The following AGK variants were observed in gnomAD, a reference collection of about 807,000 sequenced individuals.
The protein encoded by AGK is acylglycerol kinase, also known as acylglycerol kinase, mitochondrial.
A neutral mutation model predicts 66.4 loss-of-function variants in AGK; 52 were observed. The ratio of observed to expected loss-of-function variants is 0.78; its 90% confidence interval spans 0.63 to 0.99. AGK has a LOEUF of 0.99. Among genes scored for constraint, AGK ranks in the 50% least tolerant of loss-of-function variants. The probability of loss-of-function intolerance (pLI) is 0.00; values close to 1 mark genes in which losing one functional copy is unlikely to be tolerated. For missense variants in AGK, 451 were observed against 506.6 expected, an observed-to-expected ratio of 0.89 and a Z score of 1.05; for synonymous variants, 182 against 181.1, an observed-to-expected ratio of 1.00 and a Z score of -0.04.
At chr7:141,556,288 T>C (rs892081136) in intron 2 of AGK, among the ~76,000 whole-genome samples, 6 of 152,090 alleles carry the variant, frequency 3.9e-5, no homozygotes, top group Admixed American at 6.5e-5. Context: ...GGCTCATGCC[T>C]GTAACTCCAG....
In AGK at chr7:141,641,838, T is replaced by C; in HGVS notation, c.905T>C (p.Val302Ala). Reference protein sequence around the residue: ...DALSQEVSPEVWKDVQLSTIE... With the variant: ...DALSQEVSPEAWKDVQLSTIE... The stretch of plus-strand genomic sequence containing the variant: ...CTTTCCCAAGAGGTGAGCCCGGAGG[T>C]CTGGAAAGATGTGCAGCTGTCCACC... The change falls in exon 13 of 16, where the codon GTC becomes GCC. Residue 302 changes from valine (V) to alanine (A), a missense_variant. Coordinates refer to ENST00000649286, the MANE Select transcript of AGK (RefSeq NM_018238.4). 6.3e-7 allele frequency: 1 copy of C among 1,583,530 alleles called. No individual in the cohort carries two copies. The highest frequency in any genetic ancestry group is 8.6e-7 in the Non-Finnish European group (1 of 1,164,084).
chr7:141,566,364 A>G (rs1380200395), intron 2 of AGK, among the ~76,000 whole-genome samples: 2 of 152,210 alleles, frequency 1.3e-5, no homozygotes, highest in Non-Finnish European at 2.9e-5. Flanking sequence ...GGCCCAGTAC[A>G]TAGAAGATAC....
At chr7:141,579,217 T>C (rs1372349129) in intron 2 of AGK, among the ~76,000 whole-genome samples, 1 of 152,032 alleles carries the variant, frequency 6.6e-6, no homozygotes, top group Non-Finnish European at 1.5e-5. Context: ...AAAAGTATTG[T>C]CCAGTCCTTT....
At position 141,596,591 on chromosome 7, in the gene AGK, T is replaced by C. The variant is rs2116927276; in HGVS notation, c.171T>C (p.Asn57=). The change falls in exon 4 of 16, where the codon AAT becomes AAC. Residue 57 remains asparagine, a synonymous_variant. Coordinates refer to ENST00000649286, the MANE Select transcript of AGK (RefSeq NM_018238.4). The part of the protein sequence containing the change: ...QVFGNQLIPP[N]AQVKKATVFL... ...TTGGCAATCAACTCATTCCTCCCAATGCACAAGTGAAGAAGGCCACTGTTT... is the reference window on the plus strand; with the variant it reads ...TTGGCAATCAACTCATTCCTCCCAACGCACAAGTGAAGAAGGCCACTGTTT... 6.2e-7 allele frequency: 1 copy of C among 1,614,074 alleles called. No individual in the cohort carries two copies. Among genetic ancestry groups the C allele is most frequent in the Non-Finnish European group, 8.5e-7 (1 of 1,179,956 alleles).
chr7:141,651,892 A>G (rs1425433642), intron 15 of AGK, among the ~76,000 whole-genome samples: 3 of 152,176 alleles, frequency 2.0e-5, no homozygotes, highest in Admixed American at 1.3e-4. Context: ...TTATTTTTCC[A>G]TATGTAAATA....
At chr7:141,581,376 G>A (rs1795878674) in intron 2 of AGK, among the ~76,000 whole-genome samples, 1 of 151,914 alleles carries the variant, frequency 6.6e-6, no homozygotes, top group South Asian at 2.1e-4. Flanking sequence ...TATGGGTTTG[G>A]CACCACAGGG....
Position 141,620,024 on chromosome 7 carries a change from T to C in AGK, c.519-1708T>C, listed in dbSNP as rs113755941. ...GATAGTCTACTGATACATCCATTCATAAACAATAGTGTAGATGAATTTCAA... is the reference window on the plus strand; with the variant it reads ...GATAGTCTACTGATACATCCATTCACAAACAATAGTGTAGATGAATTTCAA... On this transcript the variant is annotated intron_variant, in intron 8 of 15. Transcript: ENST00000649286. 5.9e-5 allele frequency among the ~76,000 whole-genome samples: 9 copies of C among 152,260 alleles called. 2 individuals are homozygous for C. The highest frequency in any genetic ancestry group is 2.2e-4 in the African/African-American group (9 of 41,562).
In AGK at chr7:141,652,804, T is replaced by C; in HGVS notation, c.1149T>C (p.Phe383=). 6.2e-7 allele frequency: 1 copy of C among 1,613,478 alleles called. No homozygotes were observed. The highest frequency in any genetic ancestry group is 8.5e-7 in the Non-Finnish European group (1 of 1,179,952). ...LLIPEGAGGS[F]SIDSEEYEAM... is the part of the protein sequence containing the mutation. Reference sequence around the variant, plus strand: ...CTCCCCAGGGAGCAGGGGGCTCTTTTAGCATTGACAGTGAGGAGTATGAAG... The same window carrying C: ...CTCCCCAGGGAGCAGGGGGCTCTTTCAGCATTGACAGTGAGGAGTATGAAG... The change falls in exon 16 of 16, where the codon TTT becomes TTC. Residue 383 remains phenylalanine, a synonymous_variant. Transcript: ENST00000649286.
intron 2 of AGK, among the ~76,000 whole-genome samples, chr7:141,556,962 G>T (rs949702019): frequency 1.3e-5 from 2 of 152,118 alleles, no homozygotes; most frequent in African/African-American, 4.8e-5. Flanking sequence ...AAACAGAGAA[G>T]TTTTTTTGTA....
At chr7:141,631,199 C>T (rs1256395817) in intron 9 of AGK, among the ~76,000 whole-genome samples, 2 of 152,112 alleles carry the variant, frequency 1.3e-5, no homozygotes. Flanking sequence ...ATTGGCCACT[C>T]ACTGCTAGCA....
intron 9 of AGK, among the ~76,000 whole-genome samples, chr7:141,630,809 A>G (rs1046466668): frequency 6.6e-6 from 1 of 152,186 alleles, no homozygotes; most frequent in Non-Finnish European, 1.5e-5. Context: ...CAAGCAACAG[A>G]GGGGGTTGGG....
chr7:141,568,271 A>G (rs1236833971), intron 2 of AGK, among the ~76,000 whole-genome samples: 6 of 152,198 alleles, frequency 3.9e-5, no homozygotes, highest in African/African-American at 1.4e-4. Flanking sequence ...CCTGCCATAC[A>G]TGGTTAAAAG....
intron 1 of AGK, among the ~76,000 whole-genome samples, chr7:141,553,112 C>A (rs2116839193): frequency 6.6e-6 from 1 of 152,302 alleles, no homozygotes; most frequent in Admixed American, 6.5e-5. Flanking sequence ...TGGTTGAGTG[C>A]ATGGTGATAG....
At chr7:141,601,569 C>A (rs1232830003) in intron 5 of AGK, among the ~76,000 whole-genome samples, 1 of 152,126 alleles carries the variant, frequency 6.6e-6, no homozygotes, top group African/African-American at 2.4e-5. Flanking sequence ...TGTAAGAATT[C>A]TTTTCCTGAA....
chr7:141,636,238 G>A (rs1797165832), intron 10 of AGK, among the ~76,000 whole-genome samples: 2 of 152,292 alleles, frequency 1.3e-5, no homozygotes, highest in Admixed American at 6.5e-5. Context: ...GTGTGTGTGA[G>A]AGGACATGGT....
intron 9 of AGK, among the ~76,000 whole-genome samples, chr7:141,624,279 T>C (rs1796888706): frequency 6.6e-6 from 1 of 152,194 alleles, no homozygotes; most frequent in South Asian, 2.1e-4. Flanking sequence ...ATAGATGAAC[T>C]ACTGTCTTGG....
chr7:141,555,391 G>A lies in AGK; in HGVS notation c.-14-62G>A, dbSNP rs1795185775. On this transcript the variant is annotated intron_variant, in intron 1 of 15. Transcript: ENST00000649286. This position sits in a 1 kb window ranked among gnomAD's most constrained non-coding sequence, Gnocchi z 4.2. ...AAAGAATGGAAGACAGAGTAATAGGGACATTACATGAAGACCATGGATAAA... is the reference window on the plus strand; with the variant it reads ...AAAGAATGGAAGACAGAGTAATAGGAACATTACATGAAGACCATGGATAAA... The A allele has an allele frequency of 7.2e-6, 8 of 1,117,524 alleles. No individual in the cohort carries two copies. The highest frequency in any genetic ancestry group is 9.2e-6 in the Non-Finnish European group (7 of 759,676). 69.2% of individuals were successfully genotyped at this position (1,117,524 alleles called of 1,614,324 possible).
At chr7:141,578,124 C>T (rs1322113907) in intron 2 of AGK, among the ~76,000 whole-genome samples, 2 of 152,072 alleles carry the variant, frequency 1.3e-5, no homozygotes, top group East Asian at 3.9e-4. Context: ...TTTGTGTGAG[C>T]AATAAAGCTT....
intron 5 of AGK, among the ~76,000 whole-genome samples, chr7:141,604,833 C>T (rs919976061): frequency 3.1e-4 from 47 of 152,028 alleles, no homozygotes; most frequent in Admixed American, 2.6e-3. Flanking sequence ...CTGCCTGCCT[C>T]GGCCTCCAAT....
Sources: gnomAD v4.1 joint callset for allele counts (sites outside exome capture counted in the v4.1 genomes callset) on GRCh38, gnomAD v4.1.1 for gene constraint, Gnocchi (gnomAD v3.1) non-coding constraint, MANE v1.5 for transcripts, NCBI Gene and HGNC (gene_info 2026-07-23, HGNC 2026-07-21) for gene names.